The following ABCC12 variants were observed in gnomAD, a reference collection of about 807,000 sequenced individuals.
ABCC12 encodes the protein ATP binding cassette subfamily C member 12, also known as ATP-binding cassette sub-family C member 12.
Under a neutral mutation model 151.1 loss-of-function variants are expected in ABCC12, and 142 were observed. The observed-to-expected ratio is 0.94, with a 90% CI of 0.82 to 1.08. The LOEUF (loss-of-function observed/expected upper bound fraction) is 1.08. Among genes scored for constraint, ABCC12 ranks in the 50% least tolerant of loss-of-function variants. The pLI is 0.00. For missense variants in ABCC12, 1,638 were observed against 1,691.1 expected (o/e 0.97, Z 0.55); for synonymous variants, 645 against 646.4 (o/e 1.00, Z 0.03).
At chr16:48,113,087 G>A (rs1963755510) in intron 15 of ABCC12, among the ~76,000 whole-genome samples, 1 of 152,100 alleles carries the variant, frequency 6.6e-6, no homozygotes, top group African/African-American at 2.4e-5. Context: ...TTGCAGTATG[G>A]GCCAGAGGTC....
At chr16:48,087,103 A>G in intron 27 of ABCC12, 1 of 349,492 alleles carries the variant, frequency 2.9e-6, no homozygotes, top group Admixed American at 3.9e-5. Flanking sequence ...TCAGAAAGAC[A>G]CACCTGGGCC....
chr16:48,152,293 T>A (rs1965127143), intron 2 of ABCC12, among the ~76,000 whole-genome samples: 1 of 152,206 alleles, frequency 6.6e-6, no homozygotes, highest in African/African-American at 2.4e-5. Flanking sequence ...CATTCTTGCA[T>A]AGGTCCTTGG....
rs765387735 is a variant in ABCC12 at position 48,082,419 on chromosome 16, G to A, written c.*1296C>T. 6.6e-6 allele frequency among the ~76,000 whole-genome samples: 1 copy of A among 152,204 alleles called. No individual in the cohort carries two copies. Among genetic ancestry groups the A allele is most frequent in the Non-Finnish European group, 1.5e-5 (1 of 68,030 alleles). ...TGAATTGCTGGCTGTTGGCTTTTTG[G>A]CCAGAAATCCAGATTAAGCTCTTAA... On this transcript the variant is annotated 3_prime_UTR_variant, in exon 31 of 31. Transcript: ENST00000311303.
Position 48,093,103 on chromosome 16 carries a change from G to A in ABCC12, c.3196-1894C>T, listed in dbSNP as rs564479130. Among the ~76,000 whole-genome samples the A allele has an allele frequency of 5.3e-5, 8 of 152,218 alleles. No homozygotes were observed. The East Asian group carries it at 1.2e-3, about 22-fold the overall frequency. On this transcript the variant is annotated intron_variant, in intron 24 of 30. Transcript: ENST00000311303. ...GTTGTCACAACCTGGCGGGAGGGACGTAATACCAGCGTCTCATGAGCAGAG... is the reference window on the plus strand; with the variant it reads ...GTTGTCACAACCTGGCGGGAGGGACATAATACCAGCGTCTCATGAGCAGAG...
intron 14 of ABCC12, among the ~76,000 whole-genome samples, chr16:48,116,915 A>G (rs1963902708): frequency 6.6e-6 from 1 of 152,142 alleles, no homozygotes; most frequent in Admixed American, 6.5e-5. Flanking sequence ...GCCTGGGCAG[A>G]GCCAGTGAGG....
In ABCC12 at chr16:48,085,716, AC is replaced by A; in HGVS notation, c.3715-11del. 6.2e-7 allele frequency: 1 copy of A among 1,602,086 alleles called. No individual in the cohort carries two copies. The highest frequency in any genetic ancestry group is 8.6e-7 in the Non-Finnish European group (1 of 1,169,138). ...CTGGGAGTTTCATTATCTACAAAAC[AC>A]AAAAAATGCCACATTTGTGCTGATG... is the stretch of plus-strand genomic sequence containing the variant. On this transcript the variant is annotated splice_polypyrimidine_tract_variant and intron_variant, in intron 28 of 30. Transcript: ENST00000311303.
chr16:48,133,985 G>C, intron 8 of ABCC12, 150 bp from the exon 9 acceptor site: 1 of 945,534 alleles, frequency 1.1e-6, no homozygotes, highest in Non-Finnish European at 1.5e-6. Flanking sequence ...AGAAAGCCCC[G>C]GGCACAAACC....
rs757198032 is a variant in ABCC12 at position 48,087,970 on chromosome 16, C to T, written c.3591G>A (p.Leu1197=). ...GGACAGGATCCTGTGGGATCACAGT[C>T]AGCTTGGTTCTGAGGTCTTCCAAGC... is the stretch of plus-strand genomic sequence containing the variant. ...ILSLEDLRTK[L]TVIPQDPVLF... Residue 1197 remains leucine, a synonymous_variant, in exon 27 of 31, where the codon CTG becomes CTA. Coordinates refer to ENST00000311303, the MANE Select transcript of ABCC12 (RefSeq NM_001393797.1). The T allele has an allele frequency of 1.2e-6, 2 of 1,614,214 alleles. No individual in the cohort carries two copies. Among genetic ancestry groups the T allele is most frequent in the Admixed American group, 3.3e-5 (2 of 60,022 alleles).
intron 13 of ABCC12, chr16:48,121,095 A>T (rs1471705023): frequency 6.6e-6 from 1 of 152,136 alleles, no homozygotes; most frequent in Non-Finnish European, 1.5e-5. Context: ...TTTGGTCAAC[A>T]TCTATCCTTT....
chr16:48,096,830 G>A lies in ABCC12; in HGVS notation c.3111C>T (p.Thr1037=), dbSNP rs767204530. ...GGGTCACCAACAAGGCCACAGTGAAGGTAAGGATGTTCATGAGGACATCCA... is the reference window on the plus strand; with the variant it reads ...GGGTCACCAACAAGGCCACAGTGAAAGTAAGGATGTTCATGAGGACATCCA... ...LRMDVLMNIL[T]FTVALLVTLS... Residue 1037 remains threonine (T), a synonymous_variant, in exon 24 of 31, where the codon ACC becomes ACT. Coordinates refer to ENST00000311303, the MANE Select transcript of ABCC12 (RefSeq NM_001393797.1). 1.2e-6 allele frequency: 2 copies of A among 1,614,132 alleles called. No homozygotes were observed. Among genetic ancestry groups the A allele is most frequent in the South Asian group, 1.1e-5 (1 of 91,082 alleles).
Position 48,081,141 on chromosome 16 carries a change from G to A in ABCC12, c.*2574C>T, listed in dbSNP as rs1404420560. On this transcript the variant is annotated 3_prime_UTR_variant, in exon 31 of 31. Transcript: ENST00000311303. The stretch of plus-strand genomic sequence containing the variant: ...CCCTACCTCTATACTGTCACACTGA[G>A]GATTATGTTTCAACAGGAGGATTTT... Among the ~76,000 whole-genome samples, 1 of 152,094 alleles carries A rather than the reference G, an allele frequency of 6.6e-6. No individual in the cohort carries two copies. The highest frequency in any genetic ancestry group is 1.9e-4 in the East Asian group (1 of 5,190).
chr16:48,101,107 C>A, intron 22 of ABCC12, 98 bp from the exon 23 acceptor site: 2 of 1,397,072 alleles, frequency 1.4e-6, no homozygotes. Context: ...CAGCACAGTG[C>A]TTAAGTCAGA....
At chr16:48,148,040 C>T (rs552299027) in intron 2 of ABCC12, among the ~76,000 whole-genome samples, 7 of 152,064 alleles carry the variant, frequency 4.6e-5, no homozygotes, top group Non-Finnish European at 7.4e-5. Flanking sequence ...CTCTGCCTCC[C>T]GGGTTCAAGC....
At chr16:48,118,075 G>C (rs968973756) in intron 13 of ABCC12, among the ~76,000 whole-genome samples, 32 of 152,162 alleles carry the variant, frequency 2.1e-4, no homozygotes, top group Non-Finnish European at 1.8e-4. Context: ...GCCCTAGCCA[G>C]CTCTGCGGCA....
chr16:48,089,067 G>A (rs1012562258), intron 25 of ABCC12, among the ~76,000 whole-genome samples: 2 of 152,242 alleles, frequency 1.3e-5, no homozygotes, highest in African/African-American at 4.8e-5. Context: ...GGAGTGCTGG[G>A]AGGATGTCAG....
At chr16:48,096,967 A>C in intron 23 of ABCC12, 65 bp from the exon 24 acceptor site, 4 of 1,604,924 alleles carry the variant, frequency 2.5e-6, no homozygotes, top group Non-Finnish European at 2.6e-6. Flanking sequence ...GCAGGAGATC[A>C]GGTTGTGCTG....
In ABCC12 at chr16:48,146,304, A is replaced by G. The variant is rs746944365; in HGVS notation, c.119+2T>C. 1 of 1,613,960 alleles carries G rather than the reference A, an allele frequency of 6.2e-7. No individual in the cohort carries two copies. The highest frequency in any genetic ancestry group is 8.5e-7 in the Non-Finnish European group (1 of 1,179,874). ...CTCCCTTCTGTCCTTCTTCTGACTTACCTTGCACAGGGTCGCACTGGGATC... is the reference window on the plus strand; with the variant it reads ...CTCCCTTCTGTCCTTCTTCTGACTTGCCTTGCACAGGGTCGCACTGGGATC... On this transcript the variant is annotated splice_donor_variant, in intron 3 of 30. Coordinates refer to ENST00000311303, the MANE Select transcript of ABCC12 (RefSeq NM_001393797.1). LOFTEE classifies it high-confidence loss of function.
At chr16:48,149,154 T>G (rs1197578046) in intron 2 of ABCC12, among the ~76,000 whole-genome samples, 1 of 150,906 alleles carries the variant, frequency 6.6e-6, no homozygotes, top group African/African-American at 2.4e-5. Context: ...TATAACATTG[T>G]GTTAGCCCTA....
In ABCC12 at chr16:48,132,345, A is replaced by T. The variant is rs114310431; in HGVS notation, c.1128+1342T>A. On this transcript the variant is annotated intron_variant, in intron 9 of 30. Coordinates refer to ENST00000311303, the MANE Select transcript of ABCC12 (RefSeq NM_001393797.1). ...CTGAAGAACCAGAGAAAATAAAAGCAACTCACCAAGAAACACAGGGCAGTA... is the reference window on the plus strand; with the variant it reads ...CTGAAGAACCAGAGAAAATAAAAGCTACTCACCAAGAAACACAGGGCAGTA... 7.1e-3 allele frequency among the ~76,000 whole-genome samples: 1,086 copies of T among 152,250 alleles called. 13 individuals carry two copies. The highest frequency in any genetic ancestry group is 0.025 in the African/African-American group (1,036 of 41,528).
Sources: gnomAD v4.1 joint callset for allele counts (sites outside exome capture counted in the v4.1 genomes callset) on GRCh38, gnomAD v4.1.1 for gene constraint, MANE v1.5 for transcripts, NCBI Gene and HGNC (gene_info 2026-07-23, HGNC 2026-07-21) for gene names.